AMOTL1: variants seen among roughly 807,000 people sequenced by gnomAD.
AMOTL1 encodes the protein angiomotin-like protein 1.
AMOTL1 carries 45 observed loss-of-function variants against 102.9 expected under a neutral mutation model. That is an observed-to-expected ratio of 0.44 (90% CI 0.34 to 0.56). AMOTL1 has a LOEUF of 0.56. Ranked by LOEUF, AMOTL1 falls within the 20% of genes least tolerant of loss-of-function variation. The pLI is 0.01. For missense variants in AMOTL1, 1,114 were observed against 1,225.6 expected (o/e 0.91, Z 1.36); for synonymous variants, 481 against 484.7 (o/e 0.99, Z 0.10).
chr11:94,730,511 T>C (rs1036601743), intron 2 of AMOTL1, among the ~76,000 whole-genome samples: 3 of 152,190 alleles, frequency 2.0e-5, no homozygotes, highest in African/African-American at 7.2e-5. Flanking sequence ...CAGATTCCCA[T>C]GTCACAGCAC....
At chr11:94,775,921 G>A (rs1340595874) in intron 1 of AMOTL1, among the ~76,000 whole-genome samples, 5 of 152,192 alleles carry the variant, frequency 3.3e-5, no homozygotes, top group Non-Finnish European at 7.3e-5. Context: ...TGGCAACTGG[G>A]TTATGCTGGC....
At chr11:94,870,165 C>G (rs1952967124) in intron 12 of AMOTL1, among the ~76,000 whole-genome samples, 1 of 152,160 alleles carries the variant, frequency 6.6e-6, no homozygotes, top group Non-Finnish European at 1.5e-5. Context: ...CCCAGCCTAC[C>G]ATTGGCTTCT....
chr11:94,863,392 AGACCAG>A (rs1952813839), intron 9 of AMOTL1, among the ~76,000 whole-genome samples: 1 of 152,040 alleles, frequency 6.6e-6, no homozygotes, highest in South Asian at 2.1e-4. Flanking sequence ...CAGGAGTTTG[AGACCAG>A]CCTGACCAAC....
At chr11:94,848,263 G>T (rs950895279) in intron 6 of AMOTL1, among the ~76,000 whole-genome samples, 5 of 152,194 alleles carry the variant, frequency 3.3e-5, no homozygotes, top group Non-Finnish European at 7.4e-5. Flanking sequence ...GGTCTCACAT[G>T]CCCGTGGATT....
intron 1 of AMOTL1, among the ~76,000 whole-genome samples, chr11:94,769,946 G>A (rs1950920461): frequency 6.6e-6 from 1 of 152,150 alleles, no homozygotes; most frequent in South Asian, 2.1e-4. Flanking sequence ...GTGCTAACCT[G>A]CTCACCATAA....
chr11:94,831,224 C>T lies in AMOTL1; in HGVS notation c.1559-228C>T, dbSNP rs140225036. ...CACCTCTCCCTAGCTGCCTGCTGCT[C>T]GTGCATATCATTTGGCATTAGATCG... On this transcript the variant is annotated intron_variant, in intron 5 of 12. Transcript: ENST00000433060. 2.6e-3 allele frequency among the ~76,000 whole-genome samples: 403 copies of T among 152,300 alleles called. 1 individual carries two copies. Among genetic ancestry groups the T allele is most frequent in the African/African-American group, 9.4e-3 (391 of 41,570 alleles).
chr11:94,845,437 A>C (rs555059392), intron 6 of AMOTL1, among the ~76,000 whole-genome samples: 5 of 152,236 alleles, frequency 3.3e-5, no homozygotes, highest in Admixed American at 3.3e-4. Context: ...AATGGGGCTT[A>C]TGTGAGGATT....
chr11:94,738,558 A>G lies in AMOTL1; in HGVS notation c.86-2380A>G, dbSNP rs146825740. Among the ~76,000 whole-genome samples, 976 of 152,242 alleles carry G rather than the reference A, an allele frequency of 6.4e-3. 12 individuals carry two copies. The highest frequency in any genetic ancestry group is 0.022 in the African/African-American group (929 of 41,546). On this transcript the variant is annotated intron_variant, in intron 2 of 4. Transcript: ENST00000299004. ...TAGATGTGAGCCACCATGCCCAGCC[A>G]ATTTTGTGCTTCTTCAATCATGTTT...
chr11:94,736,642 C>T (rs1324933191), intron 2 of AMOTL1, among the ~76,000 whole-genome samples: 1 of 152,204 alleles, frequency 6.6e-6, no homozygotes, highest in Non-Finnish European at 1.5e-5. Context: ...CCTAACAATC[C>T]AGTGAGGTAT....
chr11:94,821,848 G>A, intron 4 of AMOTL1, 27 bp downstream of exon 4: 1 of 1,605,592 alleles, frequency 6.2e-7, no homozygotes, highest in Middle Eastern at 1.7e-4. Context: ...GGGAATGGGA[G>A]GGAGACAAAT....
chr11:94,807,024 T>C (rs1023169724), intron 3 of AMOTL1, among the ~76,000 whole-genome samples: 5 of 152,192 alleles, frequency 3.3e-5, no homozygotes, highest in Non-Finnish European at 7.3e-5. Context: ...TGATTTTTTT[T>C]CCCTAAAACT....
chr11:94,752,465 T>C (rs10450554), intron 3 of AMOTL1, among the ~76,000 whole-genome samples: 2,211 of 152,358 alleles, frequency 0.015, 52 homozygotes, highest in African/African-American at 0.051. Flanking sequence ...TCTTGCTGCC[T>C]GCTGCCTGCG....
At chr11:94,801,417 A>G (rs749717637) in intron 3 of AMOTL1, among the ~76,000 whole-genome samples, 11 of 152,060 alleles carry the variant, frequency 7.2e-5, no homozygotes, top group Non-Finnish European at 1.6e-4. Flanking sequence ...GTTGATGATG[A>G]CGGTCTCTGG....
In AMOTL1 at chr11:94,713,354, G is replaced by A. The variant is rs183145447; in HGVS notation, c.-51+6757G>A. Among the ~76,000 whole-genome samples the A allele has an allele frequency of 5.7e-3, 864 of 152,012 alleles. 4 individuals carry two copies. Among genetic ancestry groups the A allele is most frequent in the Middle Eastern group, 0.031 (9 of 294 alleles). The stretch of plus-strand genomic sequence containing the variant: ...AGGGTTATTTGTCAAAAGTTTTAGA[G>A]ATCCTTGGGACTTTTACTTTCCATA... On this transcript the variant is annotated intron_variant, in intron 1 of 4. Transcript: ENST00000299004.
intron 8 of AMOTL1, among the ~76,000 whole-genome samples, chr11:94,854,797 G>A (rs1216473775): frequency 2.0e-5 from 3 of 152,162 alleles, no homozygotes; most frequent in Non-Finnish European, 4.4e-5. Flanking sequence ...GGTGACATTA[G>A]TAGCCCATGA....
intron 6 of AMOTL1, among the ~76,000 whole-genome samples, chr11:94,837,481 C>T (rs1053175565): frequency 1.3e-5 from 2 of 152,198 alleles, no homozygotes; most frequent in African/African-American, 2.4e-5. Context: ...AGAATGCCTG[C>T]GTGGTTTACT....
chr11:94,748,887 T>A (rs570684148), intron 3 of AMOTL1, among the ~76,000 whole-genome samples: 1 of 152,312 alleles, frequency 6.6e-6, no homozygotes, highest in South Asian at 2.1e-4. Flanking sequence ...TGGGACAATA[T>A]GGCTGTGTGA....
intron 1 of AMOTL1, among the ~76,000 whole-genome samples, chr11:94,771,748 G>A (rs567320340): frequency 4.0e-4 from 60 of 150,474 alleles, no homozygotes; most frequent in Non-Finnish European, 6.9e-4. Context: ...TGTAACCTTA[G>A]GGTATATTCA....
At chr11:94,768,169 T>G (rs1459584182), upstream of AMOTL1, 1 of 689,402 alleles carries the variant, frequency 1.5e-6, no homozygotes, top group African/African-American at 1.9e-5. Context: ...ACACGTCAGC[T>G]TGAGCTCTGG....
Sources: gnomAD v4.1 joint callset for allele counts (sites outside exome capture counted in the v4.1 genomes callset) on GRCh38, gnomAD v4.1.1 for gene constraint, MANE v1.5 for transcripts, NCBI Gene and HGNC (gene_info 2026-07-23, HGNC 2026-07-21) for gene names.